The following SPON2 variants were observed in gnomAD, a reference collection of about 807,000 sequenced individuals.
SPON2 encodes spondin 2, also known as spondin-2.
A neutral mutation model predicts 29.9 loss-of-function variants in SPON2; 32 were observed. That is an observed-to-expected ratio of 1.07 (90% CI 0.81 to 1.44). The LOEUF (loss-of-function observed/expected upper bound fraction) is 1.44. Among genes scored for constraint, SPON2 ranks in the 40% most tolerant of loss-of-function variants. The pLI, the probability that SPON2 is intolerant of heterozygous loss-of-function variation, is 0.00. For missense variants in SPON2, 541 were observed against 455.5 expected (o/e 1.19, Z -1.71); for synonymous variants, 248 against 209.1 (o/e 1.19, Z -1.61).
chr4:1,167,484 A>G lies in SPON2; in HGVS notation c.984T>C (p.Asp328=). ...CGGGGCTCTGGTCTTAGACGCAGTTATCAGGGACGCACTCAGCCTCTTCTT... is the reference window on the plus strand; with the variant it reads ...CGGGGCTCTGGTCTTAGACGCAGTTGTCAGGGACGCACTCAGCCTCTTCTT... ...ELEEEAECVP[D]NCV Residue 328 remains aspartate (D), a synonymous_variant, in exon 6 of 6, where the codon GAT becomes GAC. Transcript: ENST00000290902. 1 of 1,613,364 alleles carries G rather than the reference A, an allele frequency of 6.2e-7. No homozygotes were observed. The highest frequency in any genetic ancestry group is 8.5e-7 in the Non-Finnish European group (1 of 1,179,794).
intron 1 of SPON2, among the ~76,000 whole-genome samples, chr4:1,193,175 A>C (rs748831255): frequency 1.3e-5 from 2 of 152,238 alleles, no homozygotes; most frequent in Admixed American, 6.5e-5. Flanking sequence ...ACATGCCTGC[A>C]TCTGAGGCTG....
rs1000485300 is a variant in SPON2, at chr4:1,192,010, C to A, written c.-239+2980G>T. On this transcript the variant is annotated intron_variant, in intron 1 of 3. Transcript: ENST00000502483. ...CTCTGATGGGATAGAAGAGACTCAG[C>A]CCCATGAGGATGTGGGTGCCCCTCA... Among the ~76,000 whole-genome samples the A allele has an allele frequency of 3.3e-5, 5 of 152,348 alleles. No homozygotes were observed. The East Asian group carries it at 9.6e-4, about 29-fold the overall frequency.
chr4:1,170,084 C>A, intron 5 of SPON2: 1 of 301,834 alleles, frequency 3.3e-6, no homozygotes, highest in Non-Finnish European at 6.2e-6. Context: ...AGCAAGCTTC[C>A]TTGTCAGCTG....
At chr4:1,168,708 C>T (rs1727325869) in intron 5 of SPON2, among the ~76,000 whole-genome samples, 1 of 152,230 alleles carries the variant, frequency 6.6e-6, no homozygotes, top group Non-Finnish European at 1.5e-5. Flanking sequence ...CCTGCCCTGG[C>T]TGCAATGAGG....
intron 1 of SPON2, among the ~76,000 whole-genome samples, chr4:1,190,925 A>G (rs369232058): frequency 2.2e-4 from 34 of 152,348 alleles, no homozygotes; most frequent in African/African-American, 8.2e-4. Flanking sequence ...ACTAAAAACT[A>G]CAAAACATCA....
At chr4:1,175,235 G>C (rs1049529284), upstream of SPON2, among the ~76,000 whole-genome samples, 1 of 152,256 alleles carries the variant, frequency 6.6e-6, no homozygotes, top group South Asian at 2.1e-4. Flanking sequence ...GAGGCGCCGG[G>C]TCTGGGGCAT....
upstream of SPON2, among the ~76,000 whole-genome samples, chr4:1,176,133 G>A (rs947736161): frequency 2.6e-5 from 4 of 152,096 alleles, no homozygotes; most frequent in South Asian, 4.1e-4. Flanking sequence ...CTGAGGCAGG[G>A]ACTGCAGGCC....
chr4:1,169,434 C>T (rs557655261), intron 5 of SPON2, among the ~76,000 whole-genome samples: 2 of 152,300 alleles, frequency 1.3e-5, no homozygotes, highest in African/African-American at 4.8e-5. Flanking sequence ...AGGAGGGACC[C>T]AGGACTGGGC....
intron 1 of SPON2, chr4:1,201,580 GCTGA>G (rs1422359077): frequency 1.9e-5 from 3 of 156,780 alleles, no homozygotes; most frequent in East Asian, 1.9e-4. Context: ...GTTTTCTGAT[GCTGA>G]CTTTTTTTTT....
At chr4:1,170,888 A>C (rs761490157) in intron 4 of SPON2, 111 bp downstream of exon 4, 2 of 1,423,284 alleles carry the variant, frequency 1.4e-6, no homozygotes, top group Admixed American at 3.9e-5. Flanking sequence ...CTTCCACACA[A>C]AAGCCGCAAG....
chr4:1,206,292 CCACT>C (rs1249184029), intron 1 of SPON2, among the ~76,000 whole-genome samples: 1 of 151,578 alleles, frequency 6.6e-6, no homozygotes, highest in Non-Finnish European at 1.5e-5. Flanking sequence ...TCTGCGGGTG[CCACT>C]CACCCACCCG....
chr4:1,185,000 C>T (rs1244436001), intron 1 of SPON2, among the ~76,000 whole-genome samples: 2 of 150,646 alleles, frequency 1.3e-5, no homozygotes, highest in Non-Finnish European at 3.0e-5. Flanking sequence ...CAGAAATAAA[C>T]TCTCACATAT....
At chr4:1,194,409 G>A (rs1727992765) in intron 1 of SPON2, among the ~76,000 whole-genome samples, 2 of 152,174 alleles carry the variant, frequency 1.3e-5, no homozygotes, top group South Asian at 4.1e-4. Flanking sequence ...GGGGGACAGC[G>A]ACGGCCCCAG....
At chr4:1,170,813 C>G in intron 4 of SPON2, 186 bp downstream of exon 4, 1 of 1,006,256 alleles carries the variant, frequency 9.9e-7, no homozygotes, top group Non-Finnish European at 1.5e-6. Flanking sequence ...TGCTGTGACC[C>G]CGGGTTGGGA....
Position 1,171,497 on chromosome 4 carries a change from A to T in SPON2, c.221-11T>A. 1.9e-6 allele frequency: 3 copies of T among 1,604,008 alleles called. No homozygotes were observed. The highest frequency in any genetic ancestry group is 2.6e-6 in the Non-Finnish European group (3 of 1,173,604). ...AGCTATGCGCGGCCCCTGCAGGACC[A>T]CCCGGCCGCGCCGCGGACCATGGTC... On this transcript the variant is annotated splice_polypyrimidine_tract_variant and intron_variant, in intron 2 of 5. Transcript: ENST00000290902.
At chr4:1,198,034 TG>T (rs1313728484), upstream of SPON2, among the ~76,000 whole-genome samples, 3 of 122,806 alleles carry the variant, frequency 2.4e-5, no homozygotes, top group African/African-American at 9.2e-5. Flanking sequence ...GGTGATAAAG[TG>T]AGACTCTGTT....
At chr4:1,189,269 C>T (rs771905223) in intron 1 of SPON2, among the ~76,000 whole-genome samples, 10 of 150,976 alleles carry the variant, frequency 6.6e-5, no homozygotes, top group Admixed American at 1.3e-4. Context: ...CCTAAAGAAA[C>T]GAGAAAAAAA....
chr4:1,189,890 G>A (rs1353872554), intron 1 of SPON2, among the ~76,000 whole-genome samples: 1 of 151,294 alleles, frequency 6.6e-6, no homozygotes, highest in Admixed American at 6.6e-5. Context: ...CCACGAGGCT[G>A]AGGTAGGAGA....
At chr4:1,201,729 C>G (rs1190998378) in intron 1 of SPON2, among the ~76,000 whole-genome samples, 1 of 152,100 alleles carries the variant, frequency 6.6e-6, no homozygotes, top group Non-Finnish European at 1.5e-5. Flanking sequence ...ATTACAGGCG[C>G]CGGTTGCCAC....
Sources: gnomAD v4.1 joint callset for allele counts (sites outside exome capture counted in the v4.1 genomes callset) on GRCh38, gnomAD v4.1.1 for gene constraint, MANE v1.5 for transcripts, NCBI Gene and HGNC (gene_info 2026-07-23, HGNC 2026-07-21) for gene names.